DISC1: variants seen among roughly 807,000 people sequenced by gnomAD.
The protein encoded by DISC1 is DISC1 scaffold protein, also known as disrupted in schizophrenia 1 protein.
In DISC1, 57 loss-of-function variants were observed where a neutral mutation model predicts 84.5. The observed-to-expected ratio is 0.67, with a 90% confidence interval of 0.55 to 0.84. DISC1 has a LOEUF of 0.84. Ranked by LOEUF, DISC1 falls within the 40% of genes least tolerant of loss-of-function variation. The pLI, the probability that DISC1 is intolerant of heterozygous loss-of-function variation, is 0.00. For synonymous variants in DISC1, 411 were observed against 415.2 expected, an observed-to-expected ratio of 0.99 and a Z score of 0.12; for missense variants, 1,000 against 1,057.8, an observed-to-expected ratio of 0.95 and a Z score of 0.76.
chr1:231,866,461 C>A, intron 9 of DISC1: 1 of 773,616 alleles, frequency 1.3e-6, no homozygotes, highest in South Asian at 1.4e-5. Context: ...ACAGCTAACA[C>A]TTATTACAAG....
At chr1:231,687,875 A>T (rs2064490543) in intron 1 of DISC1, among the ~76,000 whole-genome samples, 1 of 152,172 alleles carries the variant, frequency 6.6e-6, no homozygotes, top group Admixed American at 6.5e-5. Context: ...TTGTACAACA[A>T]TGTGAATGTA....
chr1:232,014,512 C>T (rs1668305767), intron 11 of DISC1, among the ~76,000 whole-genome samples: 1 of 152,154 alleles, frequency 6.6e-6, no homozygotes, highest in Non-Finnish European at 1.5e-5. Context: ...TAGAAGCAAC[C>T]AGGATGCAAC....
At chr1:231,811,619 C>T (rs1157889247) in intron 8 of DISC1, among the ~76,000 whole-genome samples, 1 of 152,176 alleles carries the variant, frequency 6.6e-6, no homozygotes, top group Non-Finnish European at 1.5e-5. Flanking sequence ...TCCATGAGTT[C>T]AGGAAAGTGC....
At chr1:231,839,769 G>A (rs2082899748) in intron 9 of DISC1, among the ~76,000 whole-genome samples, 1 of 152,178 alleles carries the variant, frequency 6.6e-6, no homozygotes, top group South Asian at 2.1e-4. Context: ...AAGGCCTCAG[G>A]AAGCTTACAA....
intron 10 of DISC1, among the ~76,000 whole-genome samples, chr1:231,979,207 C>T (rs150395458): frequency 5.5e-4 from 84 of 151,758 alleles, no homozygotes; most frequent in Non-Finnish European, 1.2e-4. Context: ...TTCAGGGCTC[C>T]CACTGATTCT....
At chr1:231,995,413 A>G (rs1382382090) in intron 10 of DISC1, among the ~76,000 whole-genome samples, 2 of 151,984 alleles carry the variant, frequency 1.3e-5, no homozygotes, top group Non-Finnish European at 2.9e-5. Context: ...ATATGTATAC[A>G]TGTGCCATGC....
At chr1:231,865,150 G>A (rs2084959111) in intron 9 of DISC1, among the ~76,000 whole-genome samples, 1 of 152,156 alleles carries the variant, frequency 6.6e-6, no homozygotes, top group East Asian at 1.9e-4. Flanking sequence ...TAGGTGAGCT[G>A]GAGCCAGAAC....
chr1:232,035,350 C>G (rs1303342755), intron 12 of DISC1, among the ~76,000 whole-genome samples: 1 of 152,172 alleles, frequency 6.6e-6, no homozygotes, highest in Non-Finnish European at 1.5e-5. Context: ...GAGGCTGAGG[C>G]AGGAGAATCA....
chr1:231,792,103 C>G (rs1490426358), intron 6 of DISC1, among the ~76,000 whole-genome samples: 1 of 152,072 alleles, frequency 6.6e-6, no homozygotes, highest in East Asian at 1.9e-4. Context: ...GTATATACCC[C>G]AGGGATACAA....
intron 9 of DISC1, among the ~76,000 whole-genome samples, chr1:231,834,490 A>C (rs1011105521): frequency 1.3e-5 from 2 of 152,182 alleles, no homozygotes; most frequent in African/African-American, 4.8e-5. Flanking sequence ...TTTTATGACA[A>C]GAATTATTTA....
rs1016619936 is a variant in DISC1 at position 231,880,761 on chromosome 1, G to C, written c.1981+62244G>C. Among the ~76,000 whole-genome samples the C allele has an allele frequency of 2.9e-3, 446 of 152,178 alleles. 3 individuals carry two copies. The highest frequency in any genetic ancestry group is 0.01 in the African/African-American group (426 of 41,540). On this transcript the variant is annotated intron_variant, in intron 9 of 12. Coordinates refer to ENST00000439617, the MANE Select transcript of DISC1 (RefSeq NM_018662.3). Reference sequence around the variant, plus strand: ...TCATGGAGAGCAAGGCAAGGTGGGGGGGGGGTGAAATCATCGGGATGTGGA... The same window carrying C: ...TCATGGAGAGCAAGGCAAGGTGGGGCGGGGGTGAAATCATCGGGATGTGGA...
At chr1:232,016,045 A>C (rs1339681252) in intron 11 of DISC1, among the ~76,000 whole-genome samples, 1 of 152,114 alleles carries the variant, frequency 6.6e-6, no homozygotes, top group Non-Finnish European at 1.5e-5. Flanking sequence ...TAGCATCTCT[A>C]TCTCTTTCCA....
intron 9 of DISC1, among the ~76,000 whole-genome samples, chr1:231,861,591 G>A (rs1234172483): frequency 6.6e-6 from 1 of 150,838 alleles, no homozygotes; most frequent in Non-Finnish European, 1.5e-5. Flanking sequence ...TTTCACTACA[G>A]TAGCCACTAT....
intron 3 of DISC1, among the ~76,000 whole-genome samples, chr1:231,718,436 CTTTTT>C (rs11294632): frequency 2.5e-5 from 3 of 119,718 alleles, no homozygotes; most frequent in Admixed American, 8.3e-5. Flanking sequence ...CTTTCTCTCT[CTTTTT>C]TTTTTTTTTT....
At chr1:231,972,715 C>T (rs147129585) in intron 10 of DISC1, among the ~76,000 whole-genome samples, 11 of 152,282 alleles carry the variant, frequency 7.2e-5, no homozygotes, top group South Asian at 4.1e-4. Flanking sequence ...CTAGACCTCA[C>T]GACATAGGAT....
At chr1:231,776,048 T>C in intron 6 of DISC1, among the ~76,000 whole-genome samples, 1 of 152,238 alleles carries the variant, frequency 6.6e-6, no homozygotes, top group African/African-American at 2.4e-5. Flanking sequence ...TGGCGTAAAT[T>C]GAGGAGAATG....
intron 3 of DISC1, among the ~76,000 whole-genome samples, chr1:231,737,957 A>C (rs2072739507): frequency 6.6e-6 from 1 of 152,176 alleles, no homozygotes; most frequent in East Asian, 1.9e-4. Flanking sequence ...TCCTGGGCTC[A>C]AGCCATCCTC....
chr1:231,942,348 CT>C (rs1455527526), intron 9 of DISC1, among the ~76,000 whole-genome samples: 7 of 152,184 alleles, frequency 4.6e-5, no homozygotes, highest in Admixed American at 4.6e-4. Context: ...TATTTCCCAG[CT>C]GTGCTGCATG....
intron 9 of DISC1, among the ~76,000 whole-genome samples, chr1:231,926,120 A>G (rs897076028): frequency 3.3e-5 from 5 of 152,222 alleles, no homozygotes; most frequent in African/African-American, 1.2e-4. Context: ...TAGTTATTCC[A>G]TTTCTATGAA....
Sources: gnomAD v4.1 joint callset for allele counts (sites outside exome capture counted in the v4.1 genomes callset) on GRCh38, gnomAD v4.1.1 for gene constraint, MANE v1.5 for transcripts, NCBI Gene and HGNC (gene_info 2026-07-23, HGNC 2026-07-21) for gene names.